The following PCF11 variants were observed in gnomAD, a reference collection of about 807,000 sequenced individuals.
The protein encoded by PCF11 is pre-mRNA cleavage complex 2 protein Pcf11.
Under a neutral mutation model 166.1 loss-of-function variants are expected in PCF11, and 19 were observed. The observed-to-expected ratio is 0.11, with a 90% CI of 0.08 to 0.17. The LOEUF is 0.17. Ranked by LOEUF, PCF11 falls within the 10% of genes least tolerant of loss-of-function variation. The probability of loss-of-function intolerance (pLI) is 1.00; values close to 1 mark genes in which losing one functional copy is unlikely to be tolerated. For missense variants in PCF11, 1,565 were observed against 1,855.5 expected (o/e 0.84, Z 2.88); for synonymous variants, 663 against 644.1 (o/e 1.03, Z -0.44).
In PCF11 at chr11:83,184,934, T is replaced by A. The variant is rs374330760; in HGVS notation, c.*40T>A. 1.2e-3 allele frequency: 1,706 copies of A among 1,381,002 alleles called. 4 individuals carry two copies. Among genetic ancestry groups the A allele is most frequent in the Non-Finnish European group, 1.6e-3 (1,622 of 1,018,862 alleles). 85.5% of individuals were successfully genotyped at this position (1,381,002 alleles called of 1,614,324 possible). ...GTATGTTTTTCTTTTTTAAAAAAGC[T>A]GCTGTTGGATCTAGAAGGTGAAGAA... On this transcript the variant is annotated 3_prime_UTR_variant, in exon 16 of 16. Coordinates refer to ENST00000298281, the Ensembl canonical transcript of PCF11.
chr11:83,175,322 G>T (rs551032635), intron 9 of PCF11, among the ~76,000 whole-genome samples: 1 of 152,010 alleles, frequency 6.6e-6, no homozygotes, highest in Non-Finnish European at 1.5e-5. Context: ...TAGTAGAGAC[G>T]GGGTTTCACC....
At chr11:83,163,624 A>T in intron 2 of PCF11, 55 bp from the exon 3 acceptor site, 1 of 580,440 alleles carries the variant, frequency 1.7e-6, no homozygotes, top group Non-Finnish European at 2.7e-6. Context: ...TATATTTAAT[A>T]TATAAAATAT....
At chr11:83,169,607 C>T in exon 8 of PCF11, 4 of 1,613,924 alleles carry the variant, frequency 2.5e-6, no homozygotes, top group Non-Finnish European at 3.4e-6. Context: ...GACGGTGTAC[C>T]TCAAAGATTT....
rs369970062 is a variant in PCF11, at chr11:83,163,638, A to C, written c.319-41A>C. ...TTATATTTAATATATAAAATATTCT[A>C]TAGTAACTTAACAAGCCATAGAATT... On this transcript the variant is annotated intron_variant, in intron 2 of 15. Transcript: ENST00000298281. The C allele has an allele frequency of 1.4e-5, 10 of 721,686 alleles. No individual in the cohort carries two copies. In the Admixed American group the frequency reaches 3.3e-4, roughly 24 times the overall value. 44.7% of individuals were successfully genotyped at this position (721,686 alleles called of 1,614,324 possible). A position where few individuals can be genotyped will look rare whatever the true frequency, so the allele number is the denominator to read the frequency against.
At chr11:83,177,349 A>C (rs959709449) in intron 10 of PCF11, 145 bp downstream of exon 10, 4 of 656,186 alleles carry the variant, frequency 6.1e-6, no homozygotes, top group Non-Finnish European at 9.3e-6. Context: ...TTTTCGGTTT[A>C]TAATGAAATT....
Position 83,168,001 on chromosome 11 carries a change from A to AT in PCF11, c.2093-419dup, listed in dbSNP as rs796844114. On this transcript the variant is annotated intron_variant, in intron 7 of 15. Transcript: ENST00000298281. ...GATTTTTGTGACTGTTCAGATTACC[A>AT]TTTTTTTTCCCATTTATTTTGTTAT... is the stretch of plus-strand genomic sequence containing the variant. 9.9e-5 allele frequency: 89 copies of AT among 897,718 alleles called. No individual in the cohort carries two copies. The African/African-American group carries it at 1.0e-3, about 10-fold the overall frequency. The allele number at this position is 897,718 out of a possible 1,614,324, so 55.6% of individuals were successfully genotyped here.
At chr11:83,168,956 G>A in exon 8 of PCF11, 1 of 1,613,846 alleles carries the variant, frequency 6.2e-7, no homozygotes, top group Non-Finnish European at 8.5e-7. Flanking sequence ...CAGCCTGTGG[G>A]TGGTCTGAGG....
In PCF11 at chr11:83,182,984, A is replaced by G. The variant is rs921172872; in HGVS notation, c.4417-54A>G. The G allele has an allele frequency of 2.7e-5, 26 of 971,152 alleles. 1 individual carries two copies. The highest frequency in any genetic ancestry group is 4.0e-5 in the Non-Finnish European group (25 of 632,452). 60.2% of individuals were successfully genotyped at this position (971,152 alleles called of 1,614,324 possible). A position where few individuals can be genotyped will look rare whatever the true frequency, so the allele number is the denominator to read the frequency against. On this transcript the variant is annotated intron_variant, in intron 14 of 15. Transcript: ENST00000298281. ...CTTAAAGTTAAAAAGAAATATCAGA[A>G]TAGCCCATTAGAAATGAATACGCAC...
intron 7 of PCF11, among the ~76,000 whole-genome samples, 185 bp from the exon 8 acceptor site, chr11:83,168,243 G>A (rs1359346116): frequency 4.6e-5 from 7 of 152,134 alleles, no homozygotes; most frequent in Admixed American, 4.6e-4. Context: ...TGATAGGATG[G>A]TAATTTTTTT....
chr11:83,157,988 C>T (rs113851097), intron 1 of PCF11: 12 of 188,574 alleles, frequency 6.4e-5, no homozygotes, highest in African/African-American at 1.9e-4. Context: ...CATTTTAATT[C>T]CCTGGGAAGT....
intron 15 of PCF11, among the ~76,000 whole-genome samples, chr11:83,183,647 C>T (rs1306254216): frequency 6.6e-6 from 1 of 151,954 alleles, no homozygotes; most frequent in Non-Finnish European, 1.5e-5. Flanking sequence ...TGCACCACCA[C>T]ACCTGGCTAA....
At chr11:83,169,257 T>G (rs898257974) in exon 8 of PCF11, 1 of 1,613,378 alleles carries the variant, frequency 6.2e-7, no homozygotes, top group Admixed American at 1.7e-5. Context: ...GACAACATAA[T>G]CAACTTGGTG....
chr11:83,167,481 C>A lies in PCF11; in HGVS notation c.2068C>A (p.Arg690=), dbSNP rs867541453. The A allele has an allele frequency of 1.2e-6, 2 of 1,609,762 alleles. No homozygotes were observed. The highest frequency in any genetic ancestry group is 1.3e-5 in the African/African-American group (1 of 74,628). Residue 690 remains arginine (R), a synonymous_variant, in exon 7 of 16, where the codon CGA becomes AGA. Transcript: ENST00000298281. The surrounding 1 kb of genome is among the most constrained non-coding windows in gnomAD (Gnocchi z 4.2). The stretch of plus-strand genomic sequence containing the variant: ...CTTCCTTGTTGTTGTGCATCAAATT[C>A]GACAGCTATTTCAGTATCAAGAAGG...
chr11:83,171,551 C>T (rs1279185165), intron 8 of PCF11, among the ~76,000 whole-genome samples: 1 of 152,164 alleles, frequency 6.6e-6, no homozygotes, highest in Non-Finnish European at 1.5e-5. Context: ...GGCTACTTTG[C>T]CTCTCTAGTA....
Position 83,165,668 on chromosome 11 carries a change from T to C in PCF11, c.771T>C (p.His257=), listed in dbSNP as rs767331532. 8.1e-6 allele frequency: 13 copies of C among 1,613,772 alleles called. No homozygotes were observed. The South Asian group carries it at 1.1e-4, about 14-fold the overall frequency. ...CTGGATCTGCACCATCCAAATTACATGTTTCACAGATTCCCCCTATGGCAG... is the reference window on the plus strand; with the variant it reads ...CTGGATCTGCACCATCCAAATTACACGTTTCACAGATTCCCCCTATGGCAG... The change falls in exon 5 of 16, where the codon CAT becomes CAC. Residue 257 remains histidine, a synonymous_variant. Coordinates refer to ENST00000298281, the Ensembl canonical transcript of PCF11.
At position 83,167,327 on chromosome 11, in the gene PCF11, C is replaced by A. The variant is rs1231430501; in HGVS notation, c.2001+19C>A. On this transcript the variant is annotated intron_variant, in intron 6 of 15. Transcript: ENST00000298281. This position sits in a 1 kb window ranked among gnomAD's most constrained non-coding sequence, Gnocchi z 4.2. ...TCAAAAGGTAGTTACTATGATTAATCCCATGTAGTCATCATTATCTATCGT... is the reference window on the plus strand; with the variant it reads ...TCAAAAGGTAGTTACTATGATTAATACCATGTAGTCATCATTATCTATCGT... 2 of 1,582,592 alleles carry A rather than the reference C, an allele frequency of 1.3e-6. No individual in the cohort carries two copies. The highest frequency in any genetic ancestry group is 1.8e-5 in the Admixed American group (1 of 55,998).
At chr11:83,182,603 T>C (rs1019118132) in intron 14 of PCF11, 112 bp downstream of exon 14, 5 of 631,276 alleles carry the variant, frequency 7.9e-6, no homozygotes, top group Admixed American at 6.1e-5. Flanking sequence ...TTTTTGGTCT[T>C]AATAAAAAGG....
rs745792160 is a variant in PCF11, at chr11:83,161,422, A to T, written c.288A>T (p.Leu96=). Reference sequence around the variant, plus strand: ...ATCTCACTGCCTTTACTAAAAATCTAGTTGCAACATTTATTTGTGTGTTTG... The same window carrying T: ...ATCTCACTGCCTTTACTAAAAATCTTGTTGCAACATTTATTTGTGTGTTTG... Residue 96 remains leucine (L), a synonymous_variant, in exon 2 of 16, where the codon CTA becomes CTT. Transcript: ENST00000298281. The T allele has an allele frequency of 1.6e-5, 26 of 1,597,318 alleles. 1 individual carries two copies. In the South Asian group the frequency reaches 3.0e-4, roughly 18 times the overall value.
Position 83,167,209 on chromosome 11 carries a change from T to C in PCF11, c.1902T>C (p.Pro634=), listed in dbSNP as rs1590926506. ...CAAGCACTAAAGGAATTTTATCACC[T>C]CGAGCCCCAAAGCAGCAACAGCATC... The change falls in exon 6 of 16, where the codon CCT becomes CCC. Residue 634 remains proline, a synonymous_variant. Coordinates refer to ENST00000298281, the Ensembl canonical transcript of PCF11. The surrounding 1 kb of genome is among the most constrained non-coding windows in gnomAD (Gnocchi z 4.2). The C allele has an allele frequency of 6.2e-7, 1 of 1,613,770 alleles. No individual in the cohort carries two copies. The highest frequency in any genetic ancestry group is 1.7e-4 in the Middle Eastern group (1 of 6,058).
Sources: allele counts gnomAD v4.1 joint callset (sites outside exome capture counted in the v4.1 genomes callset), GRCh38; gene constraint gnomAD v4.1.1; non-coding constraint Gnocchi (gnomAD v3.1); transcripts MANE v1.5; gene names NCBI Gene and HGNC (gene_info 2026-07-23, HGNC 2026-07-21).